SEMA3D: variants seen among roughly 807,000 people sequenced by gnomAD.
The protein encoded by SEMA3D is semaphorin-3D.
SEMA3D carries 84 observed loss-of-function variants against 100.1 expected under a neutral mutation model. The ratio of observed to expected loss-of-function variants is 0.84; its 90% CI spans 0.70 to 1.01. The LOEUF is 1.01. Among genes scored for constraint, SEMA3D ranks in the 50% least tolerant of loss-of-function variants. The pLI is 0.00. For missense variants in SEMA3D, 875 were observed against 934.1 expected (o/e 0.94, Z 0.82); for synonymous variants, 312 against 320.7 (o/e 0.97, Z 0.29).
At chr7:85,009,496 A>C (rs1462547963) in intron 17 of SEMA3D, among the ~76,000 whole-genome samples, 1 of 151,676 alleles carries the variant, frequency 6.6e-6, no homozygotes, top group African/African-American at 2.4e-5. Flanking sequence ...TATCATTACA[A>C]TCTCTACTCT....
intron 1 of SEMA3D, among the ~76,000 whole-genome samples, chr7:85,159,027 C>G (rs1355457499): frequency 6.6e-6 from 1 of 152,164 alleles, no homozygotes; most frequent in Non-Finnish European, 1.5e-5. Flanking sequence ...ACATCACTCT[C>G]TTTACCATCA....
intron 12 of SEMA3D, among the ~76,000 whole-genome samples, chr7:85,033,050 G>C (rs1000800815): frequency 2.6e-5 from 4 of 152,010 alleles, no homozygotes; most frequent in Admixed American, 2.6e-4. Flanking sequence ...AGAAAAAATT[G>C]AGTAATAACT....
intron 1 of SEMA3D, among the ~76,000 whole-genome samples, chr7:85,175,936 G>T (rs886152499): frequency 6.6e-6 from 1 of 152,056 alleles, no homozygotes; most frequent in East Asian, 1.9e-4. Context: ...ACTCTCTGGT[G>T]TGTAAAGTCA....
At chr7:85,234,942 G>A in the SEMA3D span, among the ~76,000 whole-genome samples, 3 of 152,116 alleles carry the variant, frequency 2.0e-5, no homozygotes, top group Non-Finnish European at 4.4e-5. Flanking sequence ...AGCGGCCCTC[G>A]GGCTTTCAGA....
intron 3 of SEMA3D, among the ~76,000 whole-genome samples, chr7:85,109,848 G>A (rs1789043287): frequency 6.6e-6 from 1 of 151,930 alleles, no homozygotes; most frequent in Admixed American, 6.6e-5. Flanking sequence ...GAAATGAGCA[G>A]TTGCACATAA....
intron 3 of SEMA3D, among the ~76,000 whole-genome samples, chr7:85,109,741 A>C (rs1789039142): frequency 6.6e-6 from 1 of 151,970 alleles, no homozygotes; most frequent in Non-Finnish European, 1.5e-5. Context: ...ACTGTCATTG[A>C]ATTTATATTC....
Position 85,026,246 on chromosome 7 carries a change from GA to G in SEMA3D, c.1192-3634del, listed in dbSNP as rs1234772384. Among the ~76,000 whole-genome samples, 6 of 152,088 alleles carry G rather than the reference GA, an allele frequency of 3.9e-5. No homozygotes were observed. The East Asian group carries it at 1.2e-3, about 30-fold the overall frequency. On this transcript the variant is annotated intron_variant, in intron 12 of 18. Transcript: ENST00000284136. ...CACCAGGAATGAATGAACAGAACTAGAGATATCCTCAGTAATTTAGAGAGAT... is the reference window on the plus strand; with the variant it reads ...CACCAGGAATGAATGAACAGAACTAGGATATCCTCAGTAATTTAGAGAGAT...
At chr7:85,226,104 C>T in the SEMA3D span, among the ~76,000 whole-genome samples, 2 of 152,086 alleles carry the variant, frequency 1.3e-5, no homozygotes, top group Admixed American at 1.3e-4. Flanking sequence ...ATTATTAGTA[C>T]ATTTTCTTAT....
chr7:85,015,225 C>A lies in SEMA3D; in HGVS notation c.1546-9G>T, dbSNP rs75119079. The A allele has an allele frequency of 2.5e-6, 4 of 1,601,526 alleles. No homozygotes were observed. Among genetic ancestry groups the A allele is most frequent in the East Asian group, 2.2e-5 (1 of 44,506 alleles). On this transcript the variant is annotated splice_polypyrimidine_tract_variant and intron_variant, in intron 15 of 18. Transcript: ENST00000284136. ...CCAATGTACAATTGTTGCTGCAAAT[C>A]GGGCAAAACAAATGAATTAGAAGCA... is the stretch of plus-strand genomic sequence containing the variant.
At chr7:85,184,564 A>G (rs1791490155) in intron 1 of SEMA3D, among the ~76,000 whole-genome samples, 1 of 152,162 alleles carries the variant, frequency 6.6e-6, no homozygotes, top group Admixed American at 6.5e-5. Flanking sequence ...TGTTGAGGAT[A>G]TTAATTGTGA....
In SEMA3D at chr7:85,119,057, C is replaced by A. The variant is rs192778467; in HGVS notation, c.151+2684G>T. Among the ~76,000 whole-genome samples the A allele has an allele frequency of 9.3e-4, 140 of 151,050 alleles. 1 individual carries two copies. The highest frequency in any genetic ancestry group is 3.3e-3 in the African/African-American group (135 of 41,280). On this transcript the variant is annotated intron_variant, in intron 3 of 18. Transcript: ENST00000284136. Reference sequence around the variant, plus strand: ...ACAGAAATACAAATCAAAACCACAACAAGATACCATCTCACACTATTCAGT... The same window carrying A: ...ACAGAAATACAAATCAAAACCACAAAAAGATACCATCTCACACTATTCAGT...
chr7:85,079,626 A>G (rs1200746785), intron 5 of SEMA3D, among the ~76,000 whole-genome samples: 1 of 152,230 alleles, frequency 6.6e-6, no homozygotes, highest in Non-Finnish European at 1.5e-5. Context: ...TACCCAAGTG[A>G]GAGCACTGTC....
At chr7:85,199,727 T>G in the SEMA3D span, among the ~76,000 whole-genome samples, 1 of 152,254 alleles carries the variant, frequency 6.6e-6, no homozygotes, top group Non-Finnish European at 1.5e-5. Flanking sequence ...TTTTTCTTGT[T>G]GATACTGTTA....
At chr7:85,230,353 A>G in the SEMA3D span, among the ~76,000 whole-genome samples, 1 of 152,078 alleles carries the variant, frequency 6.6e-6, no homozygotes, top group Non-Finnish European at 1.5e-5. Flanking sequence ...TCTCTACAGC[A>G]TGTTTCTGTG....
intron 5 of SEMA3D, among the ~76,000 whole-genome samples, chr7:85,079,717 A>G (rs1268492047): frequency 3.3e-5 from 5 of 152,246 alleles, no homozygotes; most frequent in Admixed American, 6.5e-5. Flanking sequence ...TTACTGGAGT[A>G]AATTGAAAAC....
chr7:85,147,250 G>A (rs1790242703), intron 2 of SEMA3D, among the ~76,000 whole-genome samples: 1 of 151,684 alleles, frequency 6.6e-6, no homozygotes, highest in Non-Finnish European at 1.5e-5. Flanking sequence ...TTACAAGCAT[G>A]CACCACCATG....
At chr7:85,188,505 TTTATA>T (rs1791623016), upstream of SEMA3D, among the ~76,000 whole-genome samples, 1 of 152,244 alleles carries the variant, frequency 6.6e-6, no homozygotes, top group African/African-American at 2.4e-5. Context: ...TTTCTATGTG[TTTATA>T]TTATTTTCAT....
intron 3 of SEMA3D, among the ~76,000 whole-genome samples, chr7:85,102,440 G>T (rs559131666): frequency 1.3e-5 from 2 of 152,058 alleles, no homozygotes; most frequent in South Asian, 4.1e-4. Context: ...ATAATTGTTT[G>T]TATGACTGAG....
At chr7:85,139,527 A>G (rs903533307) in intron 2 of SEMA3D, among the ~76,000 whole-genome samples, 9 of 152,158 alleles carry the variant, frequency 5.9e-5, no homozygotes, top group African/African-American at 1.9e-4. Flanking sequence ...TCTTTTTCAC[A>G]AAGGGACTAC....
Sources: allele counts gnomAD v4.1 joint callset (sites outside exome capture counted in the v4.1 genomes callset), GRCh38; gene constraint gnomAD v4.1.1; transcripts MANE v1.5; gene names NCBI Gene and HGNC (gene_info 2026-07-23, HGNC 2026-07-21).